ALOX15: variants seen among roughly 807,000 people sequenced by gnomAD.
ALOX15 encodes the protein arachidonate 15-lipoxygenase, also known as polyunsaturated fatty acid lipoxygenase ALOX15.
In ALOX15, 68 loss-of-function variants were observed where a neutral mutation model predicts 71.7. The ratio of observed to expected loss-of-function variants is 0.95; its 90% CI spans 0.78 to 1.16. The LOEUF (loss-of-function observed/expected upper bound fraction) is 1.16. Ranked by LOEUF, ALOX15 falls within the 50% of genes most tolerant of loss-of-function variation. ALOX15 has a pLI of 0.00. For missense variants in ALOX15, 798 were observed against 818.8 expected (o/e 0.97, Z 0.31); for synonymous variants, 346 against 333.3 (o/e 1.04, Z -0.42).
At chr17:4,636,016 T>C (rs767199951) in intron 7 of ALOX15, 48 bp from the exon 8 acceptor site, 1 of 1,580,764 alleles carries the variant, frequency 6.3e-7, no homozygotes, top group Non-Finnish European at 8.7e-7. Flanking sequence ...TGCCAGGCAC[T>C]CAGCGATTCC....
Position 4,631,747 on chromosome 17 carries a change from A to T in ALOX15, c.1842T>A (p.Phe614Leu), listed in dbSNP as rs750018725. Residue 614 changes from phenylalanine to leucine, a missense_variant, in exon 14 of 14, where the codon TTT (phenylalanine) becomes TTA (leucine). Physicochemically the swap from Phe to Leu is conservative, Grantham distance 22 (BLOSUM62 0). Transcript: ENST00000293761. ...GCACAGCCTTAGGCTCAGGGCCCGA[A>T]AAATACTCCTCCTCATGCTGGCCCA... ...VAVGQHEEEY[F>L]SGPEPKAVLK... is the part of the protein sequence containing the mutation. 9.9e-6 allele frequency: 16 copies of T among 1,614,008 alleles called. No homozygotes were observed. In the East Asian group the frequency reaches 3.6e-4, roughly 36 times the overall value.
At position 4,632,456 on chromosome 17, in the gene ALOX15, A is replaced by G. The variant is rs1910947253; in HGVS notation, c.1541-175T>C. ...TGGGGGAGTGGGGAGCTCTGCCGGG[A>G]GGGTCCCACTCAGTGGGGTGCTGCT... On this transcript the variant is annotated intron_variant, in intron 11 of 13. Coordinates refer to ENST00000293761, the MANE Select transcript of ALOX15 (RefSeq NM_001140.5). Among the ~76,000 whole-genome samples the G allele has an allele frequency of 1.3e-5, 2 of 152,122 alleles. 1 individual carries two copies. Among genetic ancestry groups the G allele is most frequent in the Admixed American group, 1.3e-4 (2 of 15,262 alleles).
rs749371468 is a variant in ALOX15 at position 4,638,979 on chromosome 17, G to A, written c.420-7C>T. ...GTCCTTCCAGTTTCCCCACCTGTGG[G>A]GCAGGAAGGAAATCAAGTATGGGTG... On this transcript the variant is annotated splice_region_variant and splice_polypyrimidine_tract_variant and intron_variant, in intron 3 of 13. Coordinates refer to ENST00000293761, the MANE Select transcript of ALOX15 (RefSeq NM_001140.5). 9.3e-6 allele frequency: 15 copies of A among 1,614,090 alleles called. No homozygotes were observed. Among genetic ancestry groups the A allele is most frequent in the Non-Finnish European group, 1.2e-5 (14 of 1,180,050 alleles).
chr17:4,634,558 TTTTTTCCTAATCTCACTCCACCTC>T (rs1911025937), intron 8 of ALOX15, among the ~76,000 whole-genome samples: 1 of 152,082 alleles, frequency 6.6e-6, no homozygotes, highest in African/African-American at 2.4e-5. Flanking sequence ...TTTTGAGATG[TTTTTTCCTAATCTCACTCCACCTC>T]ATTAAATATT....
chr17:4,637,352 G>A (rs11078527), intron 6 of ALOX15, 94 bp from the exon 7 acceptor site: 191,854 of 1,389,162 alleles, frequency 0.14, 14,827 homozygotes, highest in Non-Finnish European at 0.16. Flanking sequence ...GAGCTAACTC[G>A]TCTCCATCAT....
chr17:4,633,168 G>A lies in ALOX15; in HGVS notation c.1396C>T (p.Arg466Trp), dbSNP rs144526853. 144 of 1,614,042 alleles carry A rather than the reference G, an allele frequency of 8.9e-5. No homozygotes were observed. Among genetic ancestry groups the A allele is most frequent in the African/African-American group, 3.7e-4 (28 of 75,012 alleles). The change falls in exon 10 of 14, where the codon CGG (arginine) becomes TGG (tryptophan). Residue 466 changes from arginine (R) to tryptophan (W), a missense_variant. Arg to Trp is a moderately radical substitution (Grantham distance 101). Around this residue, in one of 3 missense-constraint regions of ALOX15, gnomAD observed 490 missense variants for 509.4 expected, o/e 0.96. Transcript: ENST00000293761. ...KSSFYAQDAL[R>W]LWEIIYRYVE... is the part of the protein sequence containing the mutation. The stretch of plus-strand genomic sequence containing the variant: ...CACCGATAGATGATTTCCCAGAGCC[G>A]CAGCGCATCTTGGGCATAGAAGGAA...
In ALOX15 at chr17:4,633,147, G is replaced by A. The variant is rs760167475; in HGVS notation, c.1417C>T (p.Arg473Trp). 50 of 1,613,522 alleles carry A rather than the reference G, an allele frequency of 3.1e-5. No homozygotes were observed. The highest frequency in any genetic ancestry group is 2.0e-4 in the East Asian group (9 of 44,882). ...DALRLWEIIYRYVEGIVSLHY... is the reference protein window; with the variant it reads ...DALRLWEIIYWYVEGIVSLHY... ...CACTGGCCTTCCCGCTTGCCTCACC[G>A]ATAGATGATTTCCCAGAGCCGCAGC... The change falls in exon 10 of 14, where the codon CGG (arginine) becomes TGG (tryptophan). Residue 473 changes from arginine (R) to tryptophan (W), a missense_variant and splice_region_variant. Coordinates refer to ENST00000293761, the MANE Select transcript of ALOX15 (RefSeq NM_001140.5).
Position 4,633,166 on chromosome 17 carries a change from C to A in ALOX15, c.1398G>T (p.Arg466=), listed in dbSNP as rs1910973209. ...CTCACCGATAGATGATTTCCCAGAG[C>A]CGCAGCGCATCTTGGGCATAGAAGG... is the stretch of plus-strand genomic sequence containing the variant. ...KSSFYAQDAL[R]LWEIIYRYVE... is the part of the protein sequence containing the mutation. The change falls in exon 10 of 14, where the codon CGG becomes CGT. Residue 466 remains arginine, a synonymous_variant. Transcript: ENST00000293761. The A allele has an allele frequency of 6.2e-7, 1 of 1,614,084 alleles. No homozygotes were observed. The highest frequency in any genetic ancestry group is 8.5e-7 in the Non-Finnish European group (1 of 1,179,960).
At position 4,630,959 on chromosome 17, in the gene ALOX15, T is replaced by A. The variant is rs1274949990; in HGVS notation, c.*641A>T. On this transcript the variant is annotated 3_prime_UTR_variant, in exon 14 of 14. Coordinates refer to ENST00000293761, the MANE Select transcript of ALOX15 (RefSeq NM_001140.5). ...TTTATTTAAAATAGTTCAGTCCTAG[T>A]TCTTTTCCATCTTTAGCGTAAAACA... is the stretch of plus-strand genomic sequence containing the variant. 2 of 152,284 alleles carry A rather than the reference T, an allele frequency of 1.3e-5. No individual in the cohort carries two copies. The highest frequency in any genetic ancestry group is 3.8e-4 in the East Asian group (2 of 5,208). The allele number at this position is 152,284 out of a possible 1,614,324, so 9.4% of individuals were successfully genotyped here.
Position 4,638,446 on chromosome 17 carries a change from G to A in ALOX15, c.647-69C>T, listed in dbSNP as rs1432898415. ...TGGTCCTTCCAACCCCACCAACCAT[G>A]CCTCCTTGACTCCAGCCCACCAGAG... On this transcript the variant is annotated intron_variant, in intron 5 of 13. Coordinates refer to ENST00000293761, the MANE Select transcript of ALOX15 (RefSeq NM_001140.5). 7 of 724,826 alleles carry A rather than the reference G, an allele frequency of 9.7e-6. No homozygotes were observed. In the African/African-American group the frequency reaches 1.1e-4, roughly 12 times the overall value. The allele number at this position is 724,826 out of a possible 1,614,324, so 44.9% of individuals were successfully genotyped here. A position where few individuals can be genotyped will look rare whatever the true frequency, so the allele number is the denominator to read the frequency against.
chr17:4,639,484 G>A lies in ALOX15; in HGVS notation c.283C>T (p.Pro95Ser). The part of the protein sequence containing the change: ...GPGAGDEVRF[P>S]CYRWVEGNGV... The stretch of plus-strand genomic sequence containing the variant: ...TTGCCCTCCACCCAGCGGTAACAAG[G>A]GAACCTGACCTCGTCCCCGGCTCCG... Residue 95 changes from proline (P) to serine (S), a missense_variant, in exon 2 of 14, where the codon CCT (proline) becomes TCT (serine). Coordinates refer to ENST00000293761, the MANE Select transcript of ALOX15 (RefSeq NM_001140.5). The A allele has an allele frequency of 6.2e-7, 1 of 1,613,920 alleles. No individual in the cohort carries two copies. The highest frequency in any genetic ancestry group is 8.5e-7 in the Non-Finnish European group (1 of 1,180,016).
Position 4,633,433 on chromosome 17 carries a change from T to A in ALOX15, c.1229A>T (p.Asp410Val). The change falls in exon 9 of 14, where the codon GAC becomes GTC. Residue 410 changes from aspartate (D) to valine (V), a missense_variant. This residue lies in a region of ALOX15 where 490 missense variants were observed against 509.4 expected (regional missense o/e 0.96). Coordinates refer to ENST00000293761, the MANE Select transcript of ALOX15 (RefSeq NM_001140.5). ...CCATACCTGGTCGAAAATTCCCATG[T>A]CAGAGACCAGCCCAGTCCTGGCCCG... is the stretch of plus-strand genomic sequence containing the variant. ...NVRARTGLVS[D>V]MGIFDQIMST... is the part of the protein sequence containing the mutation. 1.9e-6 allele frequency: 3 copies of A among 1,614,124 alleles called. No homozygotes were observed. Among genetic ancestry groups the A allele is most frequent in the Non-Finnish European group, 2.5e-6 (3 of 1,180,014 alleles).
chr17:4,635,618 T>C, intron 8 of ALOX15, 141 bp downstream of exon 8: 1 of 809,548 alleles, frequency 1.2e-6, no homozygotes. Context: ...CCAGCCCTGC[T>C]CATTCTCTGT....
rs150552792 is a variant in ALOX15 at position 4,632,190 on chromosome 17, G to A, written c.1632C>T (p.His544=). The A allele has an allele frequency of 6.2e-7, 1 of 1,614,110 alleles. No individual in the cohort carries two copies. The highest frequency in any genetic ancestry group is 2.2e-5 in the East Asian group (1 of 44,896). ...CATCTCTGGTAAGTACCTGGCCCAG[G>A]TGCACAGAGGCGTGTTGGCCGGTGC... The part of the protein sequence containing the change: ...FTCTGQHASV[H]LGQLDWYSWV... Residue 544 remains histidine (H), a synonymous_variant, in exon 12 of 14, where the codon CAC becomes CAT. Transcript: ENST00000293761.
chr17:4,641,250 G>T (rs1303492439), intron 1 of ALOX15, among the ~76,000 whole-genome samples: 1 of 149,528 alleles, frequency 6.7e-6, no homozygotes, highest in Non-Finnish European at 1.5e-5. Flanking sequence ...TCCAGACAAG[G>T]GAGCTTTGTG....
At position 4,635,842 on chromosome 17, in the gene ALOX15, G is replaced by A; in HGVS notation, c.1078C>T (p.His360Tyr). 3 of 1,614,252 alleles carry A rather than the reference G, an allele frequency of 1.9e-6. No individual in the cohort carries two copies. Among genetic ancestry groups the A allele is most frequent in the African/African-American group, 1.3e-5 (1 of 75,072 alleles). ...GCCATCAAGTGTCCCCTCAGAAGAT[G>A]AGACTGCAGCTCATGGAGCTGGAAG... The part of the protein sequence containing the change: ...SDFQLHELQS[H>Y]LLRGHLMAEV... The change falls in exon 8 of 14, where the codon CAT becomes TAT. Residue 360 changes from histidine (H) to tyrosine (Y), a missense_variant. Around this residue, in one of 3 missense-constraint regions of ALOX15, gnomAD observed 490 missense variants for 509.4 expected, o/e 0.96. Transcript: ENST00000293761.
Position 4,633,540 on chromosome 17 carries a change from A to G in ALOX15, c.1162-40T>C, listed in dbSNP as rs763241787. ...ACAGGGAAGGGCAGAGTCAGAGGAG[A>G]GCTGCAAGATCCCTGCAGGAAACAA... On this transcript the variant is annotated intron_variant, in intron 8 of 13. Coordinates refer to ENST00000293761, the MANE Select transcript of ALOX15 (RefSeq NM_001140.5). 3 of 1,549,678 alleles carry G rather than the reference A, an allele frequency of 1.9e-6. No homozygotes were observed. In the East Asian group the frequency reaches 6.7e-5, roughly 35 times the overall value.
Position 4,632,269 on chromosome 17 carries a change from G to A in ALOX15, c.1553C>T (p.Ser518Phe). ...GCAAACCTGGTCCCGAGCCTGTAAA[G>A]AGACAGGAAACCCTGCAAGGGGTGA... ...QGAQDRGFPVSLQARDQVCHF... is the reference protein window; with the variant it reads ...QGAQDRGFPVFLQARDQVCHF... The change falls in exon 12 of 14, where the codon TCT becomes TTT. Residue 518 changes from serine to phenylalanine, a missense_variant. By Grantham distance (155) the Ser-to-Phe change is radical. This residue lies in a region of ALOX15 where 490 missense variants were observed against 509.4 expected (regional missense o/e 0.96). Coordinates refer to ENST00000293761, the MANE Select transcript of ALOX15 (RefSeq NM_001140.5). 1 of 1,614,178 alleles carries A rather than the reference G, an allele frequency of 6.2e-7. No individual in the cohort carries two copies.
rs1597432728 is a variant in ALOX15, at chr17:4,639,062, C to T, written c.408G>A (p.Arg136=). The T allele has an allele frequency of 3.7e-6, 6 of 1,614,226 alleles. No individual in the cohort carries two copies. In the East Asian group the frequency reaches 1.3e-4, roughly 36 times the overall value. ...KHREEELEER[R]KLYRWGNWKD... is the part of the protein sequence containing the mutation. ...GGAGGAGGGCTCACCGGTACAACTT[C>T]CTTCTCTCTTCCAGCTCTTCTTCCC... The change falls in exon 3 of 14, where the codon AGG becomes AGA. Residue 136 remains arginine, a synonymous_variant. Transcript: ENST00000293761.
Sources: gnomAD v4.1 joint callset for allele counts (sites outside exome capture counted in the v4.1 genomes callset) on GRCh38, gnomAD v4.1.1 for gene constraint, gnomAD v4.1.1 regional missense constraint, MANE v1.5 for transcripts, NCBI Gene and HGNC (gene_info 2026-07-23, HGNC 2026-07-21) for gene names.